Variants in MICU1 observed in about 807,000 individuals in gnomAD.
MICU1 encodes the protein mitochondrial calcium uptake 1, also known as calcium uptake protein 1, mitochondrial.
In MICU1, 45 loss-of-function variants were observed where a neutral mutation model predicts 56.8. The ratio of observed to expected loss-of-function variants is 0.79; its 90% CI spans 0.62 to 1.02. The LOEUF (loss-of-function observed/expected upper bound fraction) is 1.02, where lower values mean the gene tolerates loss of function less well. Ranked by LOEUF, MICU1 falls within the 50% of genes least tolerant of loss-of-function variation. MICU1 has a pLI of 0.00. For synonymous variants in MICU1, 186 were observed against 195.1 expected, an observed-to-expected ratio of 0.95 and a Z score of 0.39; for missense variants, 504 against 587.1, an observed-to-expected ratio of 0.86 and a Z score of 1.46.
intron 6 of MICU1, among the ~76,000 whole-genome samples, chr10:72,485,848 T>C (rs1866452509): frequency 6.6e-6 from 1 of 151,640 alleles, no homozygotes; most frequent in Non-Finnish European, 1.5e-5. Flanking sequence ...CATCCAAAGA[T>C]ATGGACGGCT....
intron 8 of MICU1, among the ~76,000 whole-genome samples, chr10:72,462,645 T>C (rs1589245308): frequency 6.6e-6 from 1 of 152,226 alleles, no homozygotes; most frequent in South Asian, 2.1e-4. Context: ...ATTTTTCATT[T>C]TACTGTATTA....
At chr10:72,617,554 A>T (rs1188562444) in intron 1 of MICU1, among the ~76,000 whole-genome samples, 1 of 152,070 alleles carries the variant, frequency 6.6e-6, no homozygotes, top group African/African-American at 2.4e-5. Context: ...TAATGTAGAA[A>T]CCCTGTCTCT....
At chr10:72,533,992 C>T (rs1184328176) in intron 4 of MICU1, among the ~76,000 whole-genome samples, 2 of 151,988 alleles carry the variant, frequency 1.3e-5, no homozygotes, top group Non-Finnish European at 2.9e-5. Context: ...TTTTACATAT[C>T]AGAAAAGTAA....
Position 72,477,275 on chromosome 10 carries a change from A to C in MICU1, c.653-19T>G. 4 of 1,516,282 alleles carry C rather than the reference A, an allele frequency of 2.6e-6. No homozygotes were observed. Among genetic ancestry groups the C allele is most frequent in the Non-Finnish European group, 3.5e-6 (4 of 1,131,048 alleles). 93.9% of individuals were successfully genotyped at this position (1,516,282 alleles called of 1,614,324 possible). On this transcript the variant is annotated intron_variant, in intron 6 of 11. Coordinates refer to ENST00000361114, the MANE Select transcript of MICU1 (RefSeq NM_001195518.2). ...TGAGGAGCTGCAGAGGAGAGAAAAA[A>C]AATATTTAGAAGGCATTGACCAAAA...
At chr10:72,372,358 G>A (rs1862373954) in intron 11 of MICU1, among the ~76,000 whole-genome samples, 1 of 152,134 alleles carries the variant, frequency 6.6e-6, no homozygotes, top group Admixed American at 6.5e-5. Context: ...CAGAGCGGGT[G>A]TGGTGGCTCA....
Position 72,512,100 on chromosome 10 carries a change from G to GTTTTTTTTTTTTTTTTTTTTTTTTTTTT in MICU1, c.538-3832_538-3831insAAAAAAAAAAAAAAAAAAAAAAAAAAAA, listed in dbSNP as rs1199987987. 1.3e-4 allele frequency among the ~76,000 whole-genome samples: 11 copies of GTTTTTTTTTTTTTTTTTTTTTTTTTTTT among 82,336 alleles called. 2 individuals are homozygous for GTTTTTTTTTTTTTTTTTTTTTTTTTTTT. The highest frequency in any genetic ancestry group is 5.2e-4 in the African/African-American group (9 of 17,242). The allele number at this position is 82,336 out of a possible 152,430, so 54.0% of individuals were successfully genotyped here. A position where few individuals can be genotyped will look rare whatever the true frequency, so the allele number is the denominator to read the frequency against. On this transcript the variant is annotated intron_variant, in intron 5 of 11. Transcript: ENST00000361114. ...ATCAATCTGGCATCCATACACAGTT[G>GTTTTTTTTTTTTTTTTTTTTTTTTTTTT]TTTTTTGTTTTTTTTTTTTTTTTTT...
At chr10:72,462,243 G>T (rs1211679781) in intron 8 of MICU1, among the ~76,000 whole-genome samples, 1 of 149,838 alleles carries the variant, frequency 6.7e-6, no homozygotes, top group East Asian at 1.9e-4. Context: ...TTGAGCCAGG[G>T]TCTTACTCTG....
At chr10:72,566,039 C>CT (rs11376019) in intron 2 of MICU1, among the ~76,000 whole-genome samples, 27,438 of 70,452 alleles carry the variant, frequency 0.39, 4,321 homozygotes, top group Non-Finnish European at 0.45. Context: ...CATTCATTTT[C>CT]TTTTTTTTTT....
At chr10:72,534,520 T>C (rs1839575497) in intron 4 of MICU1, among the ~76,000 whole-genome samples, 2 of 152,158 alleles carry the variant, frequency 1.3e-5, no homozygotes, top group Non-Finnish European at 2.9e-5. Flanking sequence ...ATAATTAACA[T>C]TACAAGGGAG....
rs535255725 is a variant in MICU1, at chr10:72,578,795, C to T, written c.-1-12001G>A. On this transcript the variant is annotated intron_variant, in intron 1 of 11. Coordinates refer to ENST00000361114, the MANE Select transcript of MICU1 (RefSeq NM_001195518.2). ...GCTAATTTTTGCATTTTTAGTGGGA[C>T]GGGGTTTCACCATATTGGCCAGGCT... Among the ~76,000 whole-genome samples, 4 of 151,368 alleles carry T rather than the reference C, an allele frequency of 2.6e-5. No individual in the cohort carries two copies. In the South Asian group the frequency reaches 6.3e-4, roughly 24 times the overall value.
At chr10:72,394,335 A>T (rs1427550532) in intron 10 of MICU1, among the ~76,000 whole-genome samples, 1 of 152,186 alleles carries the variant, frequency 6.6e-6, no homozygotes, top group Non-Finnish European at 1.5e-5. Flanking sequence ...AGCAACCAAG[A>T]ATTAAAAATT....
At chr10:72,478,419 G>A (rs1866189274) in intron 6 of MICU1, among the ~76,000 whole-genome samples, 1 of 151,954 alleles carries the variant, frequency 6.6e-6, no homozygotes, top group Non-Finnish European at 1.5e-5. Context: ...TAAATGTTCT[G>A]GTAAAGAAAA....
intron 10 of MICU1, among the ~76,000 whole-genome samples, chr10:72,386,032 G>A (rs1287691819): frequency 1.3e-5 from 2 of 152,180 alleles, no homozygotes; most frequent in African/African-American, 4.8e-5. Flanking sequence ...ACTTTGAAGA[G>A]GACCCTGAAC....
rs951431979 is a variant in MICU1 at position 72,435,725 on chromosome 10, C to T, written c.934-12354G>A. The stretch of plus-strand genomic sequence containing the variant: ...TCCCAAGGTGTTAGCAACTGGCAGA[C>T]AAGGAGATTCTCTCCGGTGCCTGGC... On this transcript the variant is annotated intron_variant, in intron 8 of 11. Coordinates refer to ENST00000361114, the MANE Select transcript of MICU1 (RefSeq NM_001195518.2). Among the ~76,000 whole-genome samples the T allele has an allele frequency of 2.0e-5, 3 of 152,380 alleles. No homozygotes were observed. The East Asian group carries it at 5.8e-4, about 29-fold the overall frequency.
At chr10:72,396,309 T>C (rs770533684) in intron 10 of MICU1, among the ~76,000 whole-genome samples, 25 of 152,168 alleles carry the variant, frequency 1.6e-4, no homozygotes, top group Non-Finnish European at 2.4e-4. Context: ...CAAAGGTAGA[T>C]GAAACCACAA....
chr10:72,457,599 G>A (rs1053616027), intron 8 of MICU1, among the ~76,000 whole-genome samples: 1 of 152,076 alleles, frequency 6.6e-6, no homozygotes, highest in Non-Finnish European at 1.5e-5. Flanking sequence ...CACAGAATGA[G>A]CCACATTATC....
intron 10 of MICU1, among the ~76,000 whole-genome samples, chr10:72,396,808 A>T (rs948190320): frequency 2.6e-5 from 4 of 152,230 alleles, no homozygotes; most frequent in African/African-American, 9.6e-5. Context: ...TCTACATTTG[A>T]TTGATGTACC....
At chr10:72,577,347 T>C (rs906253431) in intron 1 of MICU1, among the ~76,000 whole-genome samples, 1 of 151,726 alleles carries the variant, frequency 6.6e-6, no homozygotes, top group African/African-American at 2.4e-5. Context: ...CCGTCTCTAC[T>C]AAAAATACAA....
At chr10:72,494,104 T>A (rs1350873298) in intron 6 of MICU1, among the ~76,000 whole-genome samples, 2 of 152,186 alleles carry the variant, frequency 1.3e-5, no homozygotes, top group African/African-American at 2.4e-5. Context: ...GGGAGTGGTC[T>A]AAGCTTAGGA....
Sources: gnomAD v4.1 joint callset for allele counts (sites outside exome capture counted in the v4.1 genomes callset) on GRCh38, gnomAD v4.1.1 for gene constraint, MANE v1.5 for transcripts, NCBI Gene and HGNC (gene_info 2026-07-23, HGNC 2026-07-21) for gene names.